Variants in TAB1 observed in about 807,000 individuals in gnomAD.
The protein encoded by TAB1 is TGF-beta-activated kinase 1 and MAP3K7-binding protein 1.
In TAB1, 30 loss-of-function variants were observed where a neutral mutation model predicts 54.5. The observed-to-expected ratio is 0.55, with a 90% confidence interval of 0.41 to 0.75. The LOEUF is 0.75. Ranked by LOEUF, TAB1 falls within the 30% of genes least tolerant of loss-of-function variation. TAB1 has a pLI of 0.00. For synonymous variants in TAB1, 289 were observed against 286.9 expected, an observed-to-expected ratio of 1.01 and a Z score of -0.07; for missense variants, 609 against 683.2, an observed-to-expected ratio of 0.89 and a Z score of 1.21.
chr22:39,415,683 G>A lies in TAB1; in HGVS notation c.324+30G>A, dbSNP rs1241710557. 1 of 1,594,000 alleles carries A rather than the reference G, an allele frequency of 6.3e-7. No homozygotes were observed. Among genetic ancestry groups the A allele is most frequent in the Non-Finnish European group, 8.5e-7 (1 of 1,173,210 alleles). ...TGGTGCCGGGGCCAACAGTGACCCA[G>A]CCACATCATGTCCCCCACCCCAAGG... On this transcript the variant is annotated intron_variant, in intron 3 of 10. Coordinates refer to ENST00000216160, the MANE Select transcript of TAB1 (RefSeq NM_006116.3). The surrounding 1 kb of genome is among the most constrained non-coding windows in gnomAD (Gnocchi z 4.9).
At chr22:39,428,213 A>T in intron 10 of TAB1, 30 bp downstream of exon 10, 1 of 1,486,570 alleles carries the variant, frequency 6.7e-7, no homozygotes. Flanking sequence ...AGCCACCCCC[A>T]GCCCTGTCAC....
chr22:39,429,091 C>T, intron 10 of TAB1: 2 of 985,420 alleles, frequency 2.0e-6, no homozygotes, highest in Non-Finnish European at 2.4e-6. Flanking sequence ...CAGGACAACC[C>T]ACTCTCCTCC....
At chr22:39,435,789 TAC>T (rs1276956290), downstream of TAB1, among the ~76,000 whole-genome samples, 2 of 152,110 alleles carry the variant, frequency 1.3e-5, no homozygotes, top group African/African-American at 4.8e-5. Context: ...GTAGTGAAGA[TAC>T]AGAGTCCTTG....
chr22:39,414,675 C>CTGG, intron 1 of TAB1: 1 of 289,054 alleles, frequency 3.5e-6, no homozygotes. Flanking sequence ...GAGGTGGGGT[C>CTGG]CCCAGAGTTT....
At chr22:39,429,331 G>A (rs1163452465) in intron 10 of TAB1, 7 of 985,302 alleles carry the variant, frequency 7.1e-6, no homozygotes, top group East Asian at 1.1e-4. Context: ...GGGTTGGGAC[G>A]GGTTTAGAGA....
At position 39,430,870 on chromosome 22, in the gene TAB1, A is replaced by G. The variant is rs906220612; in HGVS notation, c.*648A>G. On this transcript the variant is annotated 3_prime_UTR_variant, in exon 11 of 11. Coordinates refer to ENST00000216160, the MANE Select transcript of TAB1 (RefSeq NM_006116.3). ...GAAAGGAGCCAGGGGGAAGTGGTCT[A>G]AGAGACCTGGAACTGCCAGAGGATG... 3 of 989,202 alleles carry G rather than the reference A, an allele frequency of 3.0e-6. No individual in the cohort carries two copies. Among genetic ancestry groups the G allele is most frequent in the Non-Finnish European group, 3.6e-6 (3 of 832,214 alleles). The allele number at this position is 989,202 out of a possible 1,614,324, so 61.3% of individuals were successfully genotyped here.
Position 39,431,027 on chromosome 22 carries a change from G to T in TAB1, c.*805G>T. 2 of 986,080 alleles carry T rather than the reference G, an allele frequency of 2.0e-6. No individual in the cohort carries two copies. Among genetic ancestry groups the T allele is most frequent in the Non-Finnish European group, 1.2e-6 (1 of 830,430 alleles). 61.1% of individuals were successfully genotyped at this position (986,080 alleles called of 1,614,324 possible). A position where few individuals can be genotyped will look rare whatever the true frequency, so the allele number is the denominator to read the frequency against. On this transcript the variant is annotated 3_prime_UTR_variant, in exon 11 of 11. Coordinates refer to ENST00000216160, the MANE Select transcript of TAB1 (RefSeq NM_006116.3). ...GCCTGCCTTGCATTTTCCTTCTGGT[G>T]CTGTGAAGACCATAGGCTGGCAGGC...
In TAB1 at chr22:39,426,531, A is replaced by G. The variant is rs369894649; in HGVS notation, c.922-172A>G. On this transcript the variant is annotated intron_variant, in intron 8 of 10. Transcript: ENST00000216160. ...TTCCTAATGAGAAAGTTCCAGAAGG[A>G]TTATCCTGAATACCTTGAAAGGCTC... Among the ~76,000 whole-genome samples the G allele has an allele frequency of 3.2e-4, 48 of 152,342 alleles. No homozygotes were observed. In the East Asian group the frequency reaches 7.1e-3, roughly 23 times the overall value.
intron 1 of TAB1, 55 bp from the exon 2 acceptor site, chr22:39,414,951 G>A (rs1926757483): frequency 8.7e-6 from 14 of 1,607,798 alleles, no homozygotes; most frequent in Non-Finnish European, 1.1e-5. Flanking sequence ...AGGTGAAGTG[G>A]GGACTACCCT....
At position 39,416,810 on chromosome 22, in the gene TAB1, G is replaced by C; in HGVS notation, c.344G>C (p.Arg115Thr). ...VLLQAFDVVE[R>T]SFLESIDDAL... ...CCCTAGGCCTTCGATGTGGTGGAGA[G>C]GAGCTTCCTGGAGTCCATTGACGAC... Residue 115 changes from arginine (R) to threonine (T), a missense_variant, in exon 4 of 11, where the codon AGG (arginine) becomes ACG (threonine). Arg to Thr is a moderately conservative substitution (Grantham distance 71). Coordinates refer to ENST00000216160, the MANE Select transcript of TAB1 (RefSeq NM_006116.3). The C allele has an allele frequency of 6.2e-7, 1 of 1,614,254 alleles. No individual in the cohort carries two copies.
chr22:39,411,356 T>G (rs1926597898), intron 1 of TAB1, among the ~76,000 whole-genome samples: 2 of 152,080 alleles, frequency 1.3e-5, no homozygotes. Flanking sequence ...CACTACTGAG[T>G]GAAATGCTAA....
At chr22:39,435,674 C>G (rs1370909307), downstream of TAB1, among the ~76,000 whole-genome samples, 1 of 152,200 alleles carries the variant, frequency 6.6e-6, no homozygotes, top group Non-Finnish European at 1.5e-5. Flanking sequence ...TTCCCCACCA[C>G]CACCCTGACA....
rs571011505 is a variant in TAB1 at position 39,405,919 on chromosome 22, G to A, written c.33+6084G>A. 2.5e-4 allele frequency among the ~76,000 whole-genome samples: 38 copies of A among 152,266 alleles called. 1 individual carries two copies. The highest frequency in any genetic ancestry group is 2.0e-3 in the Admixed American group (30 of 15,300). ...CCACTGTAGTGAACCAGTGTCTGGC[G>A]AGCGCCCGAATTACGTGAGAAACTG... On this transcript the variant is annotated intron_variant, in intron 1 of 10. Coordinates refer to ENST00000216160, the MANE Select transcript of TAB1 (RefSeq NM_006116.3).
chr22:39,414,952 G>A, intron 1 of TAB1, 54 bp from the exon 2 acceptor site: 2 of 1,608,874 alleles, frequency 1.2e-6, no homozygotes, highest in Non-Finnish European at 1.7e-6. Flanking sequence ...GGTGAAGTGG[G>A]GACTACCCTG....
chr22:39,432,827 A>G, downstream of TAB1: 1 of 985,246 alleles, frequency 1.0e-6, no homozygotes, highest in Non-Finnish European at 1.2e-6. Flanking sequence ...CCTTGGTGTT[A>G]CTTACTGCAC....
rs1325190036 is a variant in TAB1 at position 39,427,969 on chromosome 22, C to T, written c.1145-52C>T. On this transcript the variant is annotated intron_variant, in intron 9 of 10. Transcript: ENST00000216160. ...ATGGAGCAGCTATGCCCCTGCTACC[C>T]TGGGTTTCTCCTCAGCTGCTGCCTG... The T allele has an allele frequency of 4.0e-6, 6 of 1,516,548 alleles. No individual in the cohort carries two copies. In the Admixed American group the frequency reaches 9.2e-5, roughly 23 times the overall value. The allele number at this position is 1,516,548 out of a possible 1,614,324, so 93.9% of individuals were successfully genotyped here.
intron 7 of TAB1, 67 bp from the exon 8 acceptor site, chr22:39,421,760 C>T (rs1927100323): frequency 6.5e-7 from 1 of 1,549,528 alleles, no homozygotes; most frequent in Non-Finnish European, 8.9e-7. Flanking sequence ...TTCCTCCCCT[C>T]AGCAGAATCA....
intron 3 of TAB1, among the ~76,000 whole-genome samples, chr22:39,416,349 C>T (rs1345777064): frequency 3.3e-5 from 5 of 152,184 alleles, no homozygotes; most frequent in Admixed American, 6.5e-5. Flanking sequence ...AGTAATCATA[C>T]GAGCTGTCAT....
In TAB1 at chr22:39,431,233, A is replaced by G. The variant is rs1416734387; in HGVS notation, c.*1011A>G. 1.0e-6 allele frequency: 1 copy of G among 985,494 alleles called. No individual in the cohort carries two copies. Among genetic ancestry groups the G allele is most frequent in the African/African-American group, 1.7e-5 (1 of 57,232 alleles). The allele number at this position is 985,494 out of a possible 1,614,324, so 61.0% of individuals were successfully genotyped here. On this transcript the variant is annotated 3_prime_UTR_variant, in exon 11 of 11. Transcript: ENST00000216160. ...GGAGGCATAGGAGAAGGGTCGGGCC[A>G]GCCCAGCCCAGGGCCTGAGTTAGAC...
Sources: allele counts gnomAD v4.1 joint callset (sites outside exome capture counted in the v4.1 genomes callset), GRCh38; gene constraint gnomAD v4.1.1; non-coding constraint Gnocchi (gnomAD v3.1); transcripts MANE v1.5; gene names NCBI Gene and HGNC (gene_info 2026-07-23, HGNC 2026-07-21).